Variants in PPP2R2B observed in about 807,000 individuals in gnomAD.
PPP2R2B encodes serine/threonine-protein phosphatase 2A 55 kDa regulatory subunit B beta isoform.
A neutral mutation model predicts 46.0 loss-of-function variants in PPP2R2B; 5 were observed. The observed-to-expected ratio is 0.11, with a 90% CI of 0.06 to 0.23. The LOEUF (loss-of-function observed/expected upper bound fraction) is 0.23, where lower values mean the gene tolerates loss of function less well. Ranked by LOEUF, PPP2R2B falls within the 10% of genes least tolerant of loss-of-function variation. The pLI is 1.00. For synonymous variants in PPP2R2B, 215 were observed against 206.7 expected, an observed-to-expected ratio of 1.04 and a Z score of -0.34; for missense variants, 367 against 575.0, an observed-to-expected ratio of 0.64 and a Z score of 3.70.
intron 2 of PPP2R2B, among the ~76,000 whole-genome samples, chr5:147,077,178 T>C (rs1291742513): frequency 6.8e-6 from 1 of 147,542 alleles, no homozygotes; most frequent in African/African-American, 2.5e-5. Context: ...TATATATGTA[T>C]AATATTGTAT....
intron 2 of PPP2R2B, among the ~76,000 whole-genome samples, chr5:146,738,098 A>G (rs1752648219): frequency 6.6e-6 from 1 of 151,990 alleles, no homozygotes; most frequent in African/African-American, 2.4e-5. Context: ...TAGGTGATAT[A>G]AAAAATCTTA....
chr5:146,601,503 G>T (rs1054038778), intron 7 of PPP2R2B, among the ~76,000 whole-genome samples: 2 of 152,064 alleles, frequency 1.3e-5, no homozygotes, highest in Non-Finnish European at 2.9e-5. Context: ...CTACTATTGG[G>T]CCACTGCACC....
intron 2 of PPP2R2B, among the ~76,000 whole-genome samples, chr5:147,076,322 T>A (rs1015820985): frequency 3.3e-5 from 5 of 152,122 alleles, no homozygotes; most frequent in South Asian, 4.2e-4. Flanking sequence ...AAAAAAAAAA[T>A]TGATATTGTC....
At chr5:146,684,399 T>G (rs990714715) in intron 5 of PPP2R2B, among the ~76,000 whole-genome samples, 1 of 152,192 alleles carries the variant, frequency 6.6e-6, no homozygotes, top group Non-Finnish European at 1.5e-5. Context: ...TATTACGACA[T>G]AGGTACCTCA....
Position 146,878,517 on chromosome 5 carries a change from C to A in PPP2R2B, c.-125+74G>T. 3 of 1,284,056 alleles carry A rather than the reference C, an allele frequency of 2.3e-6. No individual in the cohort carries two copies. Among genetic ancestry groups the A allele is most frequent in the African/African-American group, 1.5e-5 (1 of 65,916 alleles). 79.5% of individuals were successfully genotyped at this position (1,284,056 alleles called of 1,614,324 possible). A position where few individuals can be genotyped will look rare whatever the true frequency, so the allele number is the denominator to read the frequency against. ...TCCCTCCTCCCCCTGGGAGAGCGGG[C>A]AGCCGCGACAAAATGGTGCCTTTCT... On this transcript the variant is annotated intron_variant, in intron 1 of 9. Transcript: ENST00000394411. The surrounding 1 kb of genome is among the most constrained non-coding windows in gnomAD (Gnocchi z 4.5).
Position 147,073,412 on chromosome 5 carries a change from A to G in PPP2R2B, c.50+7647T>C, listed in dbSNP as rs537582048. On this transcript the variant is annotated intron_variant, in intron 2 of 10. Coordinates refer to the PPP2R2B transcript ENST00000394413. ...CTGAGAAAAAATGCTTTCATCTTGCACAACTTGTTCATAATCACTCCAATT... is the reference window on the plus strand; with the variant it reads ...CTGAGAAAAAATGCTTTCATCTTGCGCAACTTGTTCATAATCACTCCAATT... Among the ~76,000 whole-genome samples, 14 of 152,282 alleles carry G rather than the reference A, an allele frequency of 9.2e-5. No individual in the cohort carries two copies. In the East Asian group the frequency reaches 1.5e-3, roughly 17 times the overall value.
At chr5:146,956,854 T>C (rs1467265498) in intron 1 of PPP2R2B, among the ~76,000 whole-genome samples, 1 of 152,166 alleles carries the variant, frequency 6.6e-6, no homozygotes. Flanking sequence ...CATCTTTACA[T>C]GGTGGAAAGA....
intron 2 of PPP2R2B, among the ~76,000 whole-genome samples, chr5:146,802,405 A>G (rs1756917869): frequency 6.6e-6 from 1 of 152,226 alleles, no homozygotes; most frequent in Non-Finnish European, 1.5e-5. Flanking sequence ...ATTTGAGTGC[A>G]TATTATCACT....
intron 5 of PPP2R2B, among the ~76,000 whole-genome samples, chr5:146,650,938 G>C (rs1775912381): frequency 6.6e-6 from 1 of 152,122 alleles, no homozygotes; most frequent in Middle Eastern, 3.2e-3. Flanking sequence ...CTTAGCCCTG[G>C]TGGGAAATTT....
chr5:146,680,309 A>G (rs898096045), intron 5 of PPP2R2B, among the ~76,000 whole-genome samples: 2 of 143,606 alleles, frequency 1.4e-5, no homozygotes, highest in East Asian at 4.2e-4. Context: ...AAAACCAAAC[A>G]CCGCATATTC....
chr5:146,950,982 G>A (rs114915592), intron 1 of PPP2R2B, among the ~76,000 whole-genome samples: 1,957 of 152,010 alleles, frequency 0.013, 30 homozygotes, highest in African/African-American at 0.045. Flanking sequence ...TACTATGATG[G>A]TATACAACCT....
chr5:146,993,564 G>GAT (rs1753796013), intron 1 of PPP2R2B, among the ~76,000 whole-genome samples: 1 of 152,122 alleles, frequency 6.6e-6, no homozygotes, highest in Non-Finnish European at 1.5e-5. Context: ...ATCTAATAAG[G>GAT]AGTACACAGT....
intron 1 of PPP2R2B, among the ~76,000 whole-genome samples, chr5:146,954,847 C>A (rs992286026): frequency 6.6e-6 from 1 of 151,476 alleles, no homozygotes; most frequent in African/African-American, 2.4e-5. Context: ...TTAGCTCTTA[C>A]CCCAAAAGAC....
intron 2 of PPP2R2B, among the ~76,000 whole-genome samples, chr5:146,802,101 A>ACACC (rs1756902153): frequency 6.6e-6 from 1 of 152,194 alleles, no homozygotes; most frequent in Non-Finnish European, 1.5e-5. Context: ...ACCCACACAA[A>ACACC]CACCCAATGG....
intron 5 of PPP2R2B, among the ~76,000 whole-genome samples, chr5:146,687,347 G>T (rs1778572111): frequency 6.6e-6 from 1 of 152,076 alleles, no homozygotes; most frequent in African/African-American, 2.4e-5. Context: ...TCAAAGCTTG[G>T]TTCTCAGCCC....
intron 5 of PPP2R2B, among the ~76,000 whole-genome samples, chr5:146,682,077 C>G (rs1778209585): frequency 6.6e-6 from 1 of 152,142 alleles, no homozygotes; most frequent in Admixed American, 6.6e-5. Flanking sequence ...AGAACTCGAT[C>G]CTAAACCAGG....
At chr5:146,615,300 A>C (rs1271458571) in intron 7 of PPP2R2B, among the ~76,000 whole-genome samples, 17 of 88,118 alleles carry the variant, frequency 1.9e-4, no homozygotes, top group Non-Finnish European at 3.5e-4. Flanking sequence ...GGAATTGAAC[A>C]ATGAGATCAC....
At chr5:146,809,735 G>A (rs1757411121) in intron 2 of PPP2R2B, among the ~76,000 whole-genome samples, 1 of 152,286 alleles carries the variant, frequency 6.6e-6, no homozygotes, top group Non-Finnish European at 1.5e-5. Context: ...TGATTGGAGG[G>A]TTTGAGGCAG....
intron 2 of PPP2R2B, among the ~76,000 whole-genome samples, chr5:146,843,376 T>A (rs929087567): frequency 2.6e-5 from 4 of 152,182 alleles, no homozygotes; most frequent in African/African-American, 9.7e-5. Context: ...ACCAATAATG[T>A]ATAATATAAA....
Sources: allele counts gnomAD v4.1 joint callset (sites outside exome capture counted in the v4.1 genomes callset), GRCh38; gene constraint gnomAD v4.1.1; non-coding constraint Gnocchi (gnomAD v3.1); transcripts MANE v1.5; gene names NCBI Gene and HGNC (gene_info 2026-07-23, HGNC 2026-07-21).